The following SWAP70 variants were observed in gnomAD, a reference collection of about 807,000 sequenced individuals.
SWAP70 encodes the protein switching B cell complex subunit SWAP70.
Under a neutral mutation model 80.2 loss-of-function variants are expected in SWAP70, and 34 were observed. The ratio of observed to expected loss-of-function variants is 0.42; its 90% confidence interval spans 0.32 to 0.56. The LOEUF is 0.56. Ranked by LOEUF, SWAP70 falls within the 20% of genes least tolerant of loss-of-function variation. The probability of loss-of-function intolerance (pLI) is 0.09; values close to 1 mark genes in which losing one functional copy is unlikely to be tolerated. For synonymous variants in SWAP70, 239 were observed against 238.5 expected, an observed-to-expected ratio of 1.00 and a Z score of -0.02; for missense variants, 578 against 690.7, an observed-to-expected ratio of 0.84 and a Z score of 1.83.
rs528856677 is a variant in SWAP70 at position 9,731,698 on chromosome 11, C to T, written c.899-831C>T. ...CTGAGGGTCAGAAGAGTGTGTTGTG[C>T]CACTGTTTGTGTGAAAAGAAGGTGG... On this transcript the variant is annotated intron_variant, in intron 6 of 11. Transcript: ENST00000318950. 2.0e-4 allele frequency among the ~76,000 whole-genome samples: 30 copies of T among 152,128 alleles called. 1 individual carries two copies. Among genetic ancestry groups the T allele is most frequent in the South Asian group, 8.3e-4 (4 of 4,814 alleles).
intron 3 of SWAP70, chr11:9,719,996 C>A: frequency 1.1e-5 from 10 of 907,620 alleles, no homozygotes; most frequent in South Asian, 5.1e-5. Context: ...AAAGTTTTTT[C>A]TTTGTTATTT....
At chr11:9,703,314 T>G in intron 2 of SWAP70, 1 of 455,038 alleles carries the variant, frequency 2.2e-6, no homozygotes, top group Non-Finnish European at 4.4e-6. Flanking sequence ...CATGTTTTAT[T>G]TACATATTCA....
At chr11:9,672,766 C>T (rs917230563) in intron 1 of SWAP70, among the ~76,000 whole-genome samples, 1 of 151,524 alleles carries the variant, frequency 6.6e-6, no homozygotes, top group African/African-American at 2.4e-5. Context: ...GCCTTGAGGG[C>T]CCCCAGTGTA....
intron 1 of SWAP70, 110 bp from the exon 2 acceptor site, chr11:9,694,036 T>C: frequency 7.3e-7 from 1 of 1,360,566 alleles, no homozygotes; most frequent in Non-Finnish European, 9.7e-7. Flanking sequence ...TTTGCTAGTT[T>C]ATTTTCCATC....
At chr11:9,730,229 G>A (rs1024706306) in intron 6 of SWAP70, among the ~76,000 whole-genome samples, 4 of 151,324 alleles carry the variant, frequency 2.6e-5, no homozygotes, top group Admixed American at 6.6e-5. Context: ...GGTGGCTCAT[G>A]CCTATAATCC....
intron 4 of SWAP70, chr11:9,725,098 C>T (rs1375349345): frequency 5.8e-6 from 3 of 519,810 alleles, no homozygotes; most frequent in Non-Finnish European, 1.0e-5. Flanking sequence ...CTCCTGGGTT[C>T]AAGGGATTCT....
chr11:9,701,051 G>T (rs1028252428), intron 2 of SWAP70, among the ~76,000 whole-genome samples: 2 of 151,826 alleles, frequency 1.3e-5, no homozygotes, highest in African/African-American at 4.8e-5. Context: ...TAATTTTTAC[G>T]GTTGGTTTTT....
At chr11:9,733,412 G>A (rs939234798) in intron 7 of SWAP70, among the ~76,000 whole-genome samples, 9 of 152,266 alleles carry the variant, frequency 5.9e-5, no homozygotes, top group Admixed American at 5.2e-4. Context: ...TTTGCTCTGG[G>A]ATATGGGGGT....
chr11:9,671,631 TATAAATATTTCTA>T (rs1850399103), intron 1 of SWAP70, among the ~76,000 whole-genome samples: 1 of 97,076 alleles, frequency 1.0e-5, no homozygotes, highest in South Asian at 3.4e-4. Context: ...TATATAAATA[TATAAATATTTCTA>T]TATAAATATA....
intron 1 of SWAP70, among the ~76,000 whole-genome samples, chr11:9,675,161 G>T (rs563630352): frequency 1.3e-5 from 2 of 152,050 alleles, no homozygotes; most frequent in African/African-American, 4.8e-5. Flanking sequence ...GGTGGCACAC[G>T]CCTGTAGTCC....
chr11:9,674,023 C>T (rs994017036), intron 1 of SWAP70, among the ~76,000 whole-genome samples: 1 of 152,150 alleles, frequency 6.6e-6, no homozygotes, highest in Admixed American at 6.5e-5. Flanking sequence ...CCTCAGCCTC[C>T]CAAGTAGCTG....
intron 1 of SWAP70, among the ~76,000 whole-genome samples, chr11:9,682,586 T>C (rs2134435012): frequency 6.6e-6 from 1 of 152,348 alleles, no homozygotes; most frequent in East Asian, 1.9e-4. Context: ...CTTTCTTTTT[T>C]CTTTTTATAA....
At chr11:9,695,560 A>T (rs186561897) in intron 2 of SWAP70, among the ~76,000 whole-genome samples, 36 of 146,336 alleles carry the variant, frequency 2.5e-4, no homozygotes, top group Non-Finnish European at 4.4e-4. Flanking sequence ...CCTAAGTGGG[A>T]GTTGAACAAT....
At chr11:9,725,561 AT>A (rs1851207960) in intron 4 of SWAP70, among the ~76,000 whole-genome samples, 1 of 16,122 alleles carries the variant, frequency 6.2e-5, no homozygotes, top group African/African-American at 2.9e-4. Flanking sequence ...ATATATATAT[AT>A]ATATATATTT....
At chr11:9,745,133 T>C (rs1851496096) in intron 9 of SWAP70, among the ~76,000 whole-genome samples, 1 of 152,204 alleles carries the variant, frequency 6.6e-6, no homozygotes, top group Non-Finnish European at 1.5e-5. Flanking sequence ...ACATTTGATA[T>C]AATACTTTTC....
intron 8 of SWAP70, 87 bp from the exon 9 acceptor site, chr11:9,740,094 G>C: frequency 1.6e-6 from 2 of 1,277,036 alleles, no homozygotes; most frequent in Non-Finnish European, 2.2e-6. Context: ...TGAGGCTGCA[G>C]CTGTGGGCAA....
At chr11:9,710,519 C>T (rs1361330367) in intron 2 of SWAP70, among the ~76,000 whole-genome samples, 3 of 152,038 alleles carry the variant, frequency 2.0e-5, no homozygotes, top group Admixed American at 2.0e-4. Context: ...CTTCGGCCTG[C>T]GGACAGCTGG....
At chr11:9,712,817 C>T (rs2134474879) in intron 2 of SWAP70, among the ~76,000 whole-genome samples, 2 of 151,074 alleles carry the variant, frequency 1.3e-5, no homozygotes, top group South Asian at 4.2e-4. Flanking sequence ...CAGCTCACTG[C>T]AACCTCCGCC....
chr11:9,744,056 A>G (rs1367322427), intron 9 of SWAP70, among the ~76,000 whole-genome samples: 2 of 149,334 alleles, frequency 1.3e-5, no homozygotes, highest in Non-Finnish European at 1.5e-5. Context: ...TCTGCCTCCC[A>G]GGTTCAAGCC....
Sources: gnomAD v4.1 joint callset for allele counts (sites outside exome capture counted in the v4.1 genomes callset) on GRCh38, gnomAD v4.1.1 for gene constraint, MANE v1.5 for transcripts, NCBI Gene and HGNC (gene_info 2026-07-23, HGNC 2026-07-21) for gene names.